DOCK10: variants seen among roughly 807,000 people sequenced by gnomAD.
The protein encoded by DOCK10 is dedicator of cytokinesis protein 10.
Under a neutral mutation model 280.1 loss-of-function variants are expected in DOCK10, and 145 were observed. The ratio of observed to expected loss-of-function variants is 0.52; its 90% CI spans 0.45 to 0.59. DOCK10 has a LOEUF of 0.59. DOCK10 is among the 20% of genes least tolerant of loss of function. DOCK10 has a pLI of 0.00. For synonymous variants in DOCK10, 915 were observed against 942.2 expected, an observed-to-expected ratio of 0.97 and a Z score of 0.53; for missense variants, 2,368 against 2,651.7, an observed-to-expected ratio of 0.89 and a Z score of 2.35.
At chr2:224,834,797 T>C (rs1695489920) in intron 25 of DOCK10, among the ~76,000 whole-genome samples, 1 of 152,226 alleles carries the variant, frequency 6.6e-6, no homozygotes, top group Non-Finnish European at 1.5e-5. Flanking sequence ...ACTTATTTTT[T>C]TTCCTCAAAA....
intron 1 of DOCK10, among the ~76,000 whole-genome samples, chr2:224,961,520 T>G (rs1318242872): frequency 2.0e-5 from 3 of 149,228 alleles, no homozygotes; most frequent in East Asian, 3.9e-4. Flanking sequence ...CTTCATTTTT[T>G]TTTTTGAGAC....
At chr2:224,781,793 A>G (rs774052692) in intron 50 of DOCK10, among the ~76,000 whole-genome samples, 1 of 152,246 alleles carries the variant, frequency 6.6e-6, no homozygotes, top group Non-Finnish European at 1.5e-5. Context: ...ACTTTAAGGC[A>G]ATACATTATG....
rs1574926709 is a variant in DOCK10, at chr2:224,845,286, T to C, written c.2398A>G (p.Ile800Val). The change falls in exon 21 of 56, where the codon ATA becomes GTA. Residue 800 changes from isoleucine (I) to valine (V), a missense_variant. Coordinates refer to ENST00000258390, the MANE Select transcript of DOCK10 (RefSeq NM_014689.3). Reference sequence around the variant, plus strand: ...GGGATGTTGTACTCTTGAGAAGCTATCTGATCGTGTTTCATCAGAGGAAGC... The same window carrying C: ...GGGATGTTGTACTCTTGAGAAGCTACCTGATCGTGTTTCATCAGAGGAAGC... ...AWLPLMKHDQ[I>V]ASQEYNIPIA... 6.3e-7 allele frequency: 1 copy of C among 1,590,364 alleles called. No individual in the cohort carries two copies. Among genetic ancestry groups the C allele is most frequent in the Non-Finnish European group, 8.6e-7 (1 of 1,167,002 alleles).
chr2:224,820,374 G>A (rs1694430261), intron 28 of DOCK10, among the ~76,000 whole-genome samples: 4 of 152,340 alleles, frequency 2.6e-5, no homozygotes, highest in Admixed American at 2.6e-4. Flanking sequence ...TGTGGAGCAG[G>A]AGGAAGGGAC....
At chr2:224,863,766 T>C (rs1279335498) in intron 13 of DOCK10, among the ~76,000 whole-genome samples, 1 of 152,250 alleles carries the variant, frequency 6.6e-6, no homozygotes, top group Non-Finnish European at 1.5e-5. Flanking sequence ...ATTCATTTTC[T>C]ATTAAACAGT....
Position 224,792,978 on chromosome 2 carries a change from T to A in DOCK10, c.5307A>T (p.Gly1769=), listed in dbSNP as rs749153667. ...ATGAGCAGTTAGGTCACTCACTTCC[T>A]CCACTGGGAGTTGTTAGTAATGAGT... The part of the protein sequence containing the change: ...DSNSLLTTPS[G]GSMFSMGWPA... The change falls in exon 47 of 56, where the codon GGA becomes GGT. Residue 1769 remains glycine (G), a synonymous_variant. Transcript: ENST00000258390. The A allele has an allele frequency of 6.2e-7, 1 of 1,611,140 alleles. No individual in the cohort carries two copies. The highest frequency in any genetic ancestry group is 8.5e-7 in the Non-Finnish European group (1 of 1,177,552).
intron 26 of DOCK10, among the ~76,000 whole-genome samples, chr2:224,833,373 CCA>C (rs1447380096): frequency 1.3e-5 from 2 of 152,060 alleles, no homozygotes; most frequent in Non-Finnish European, 2.9e-5. Context: ...CTGTCTCCTG[CCA>C]CAGTGTCCTC....
At chr2:224,771,343 G>T (rs543625670) in intron 53 of DOCK10, among the ~76,000 whole-genome samples, 1 of 152,294 alleles carries the variant, frequency 6.6e-6, no homozygotes, top group African/African-American at 2.4e-5. Flanking sequence ...TGTTTGAAGT[G>T]CTAGTTTTTC....
intron 1 of DOCK10, among the ~76,000 whole-genome samples, chr2:224,955,342 G>C (rs2126136643): frequency 6.6e-6 from 1 of 152,264 alleles, no homozygotes; most frequent in East Asian, 1.9e-4. Context: ...TCTTTTTACT[G>C]CAGAAGGATT....
chr2:224,872,244 C>G (rs1249589151), intron 11 of DOCK10, among the ~76,000 whole-genome samples: 2 of 152,220 alleles, frequency 1.3e-5, no homozygotes, highest in Non-Finnish European at 2.9e-5. Context: ...AATGCAATTT[C>G]TCACATATTT....
At chr2:224,781,327 G>C (rs1691320821) in intron 50 of DOCK10, among the ~76,000 whole-genome samples, 1 of 152,188 alleles carries the variant, frequency 6.6e-6, no homozygotes, top group Non-Finnish European at 1.5e-5. Context: ...ATGTAAACCT[G>C]TTTTGTAAAA....
intron 18 of DOCK10, among the ~76,000 whole-genome samples, chr2:224,850,137 C>CAGA (rs1696637478): frequency 1.3e-5 from 2 of 152,178 alleles, no homozygotes; most frequent in Non-Finnish European, 2.9e-5. Flanking sequence ...TAGAAATCTT[C>CAGA]ATGAATATAA....
intron 1 of DOCK10, among the ~76,000 whole-genome samples, chr2:225,026,757 G>A (rs150741506): frequency 1.3e-5 from 2 of 152,066 alleles, no homozygotes; most frequent in African/African-American, 2.4e-5. Context: ...ACCTAGGGGG[G>A]GTTTTGTGGG....
At chr2:224,930,196 T>A in intron 2 of DOCK10, among the ~76,000 whole-genome samples, 1 of 102,788 alleles carries the variant, frequency 9.7e-6, no homozygotes. Flanking sequence ...AGAGTGACAC[T>A]CGGTAAAAAA....
At chr2:224,882,570 A>G (rs1699038805) in intron 7 of DOCK10, among the ~76,000 whole-genome samples, 1 of 152,200 alleles carries the variant, frequency 6.6e-6, no homozygotes, top group African/African-American at 2.4e-5. Flanking sequence ...GATGATATGG[A>G]TTAAGTCTGA....
intron 11 of DOCK10, among the ~76,000 whole-genome samples, chr2:224,868,894 A>G (rs527519341): frequency 6.6e-6 from 1 of 152,254 alleles, no homozygotes; most frequent in Admixed American, 6.5e-5. Context: ...GTCAAAGCAA[A>G]ACCCATCTTT....
chr2:224,819,351 C>A, intron 29 of DOCK10, 95 bp downstream of exon 29: 1 of 749,162 alleles, frequency 1.3e-6, no homozygotes. Flanking sequence ...CTTTCTGATA[C>A]AGAGAATGGA....
At chr2:224,803,997 AAT>A (rs988041385) in intron 39 of DOCK10, 113 bp downstream of exon 39, 19 of 569,988 alleles carry the variant, frequency 3.3e-5, no homozygotes, top group Admixed American at 1.1e-4. Context: ...TATAAATAGA[AAT>A]ATGTGTGTGT....
At chr2:224,937,241 G>A (rs1045077143) in intron 1 of DOCK10, among the ~76,000 whole-genome samples, 6 of 152,158 alleles carry the variant, frequency 3.9e-5, no homozygotes, top group African/African-American at 1.4e-4. Context: ...TACCAGCTAC[G>A]TAACTTTGAC....
Sources: allele counts gnomAD v4.1 joint callset (sites outside exome capture counted in the v4.1 genomes callset), GRCh38; gene constraint gnomAD v4.1.1; transcripts MANE v1.5; gene names NCBI Gene and HGNC (gene_info 2026-07-23, HGNC 2026-07-21).